EPHA4: variants seen among roughly 807,000 people sequenced by gnomAD.
The protein encoded by EPHA4 is EPH receptor A4.
EPHA4 carries 19 observed loss-of-function variants against 108.3 expected under a neutral mutation model. That is an observed-to-expected ratio of 0.18 (90% CI 0.12 to 0.26). The LOEUF is 0.26. Ranked by LOEUF, EPHA4 falls within the 10% of genes least tolerant of loss-of-function variation. EPHA4 has a pLI of 1.00. For synonymous variants in EPHA4, 449 were observed against 455.5 expected, an observed-to-expected ratio of 0.99 and a Z score of 0.18; for missense variants, 917 against 1,254.0, an observed-to-expected ratio of 0.73 and a Z score of 4.06.
At chr2:221,426,205 G>C in intron 16 of EPHA4, 63 bp from the exon 17 acceptor site, 1 of 1,426,212 alleles carries the variant, frequency 7.0e-7, no homozygotes, top group South Asian at 1.1e-5. Context: ...CTCTTTTCTT[G>C]GGCTTCATGC....
intron 7 of EPHA4, 136 bp from the exon 8 acceptor site, chr2:221,455,794 GT>G (rs1256051362): frequency 1.5e-6 from 1 of 656,070 alleles, no homozygotes; most frequent in Non-Finnish European, 2.7e-6. Context: ...AAGGGCAGCA[GT>G]TTTGAATGTA....
intron 3 of EPHA4, among the ~76,000 whole-genome samples, chr2:221,550,306 CAAAGA>C (rs775866597): frequency 2.0e-5 from 3 of 151,884 alleles, no homozygotes; most frequent in African/African-American, 7.3e-5. Flanking sequence ...TTCAAATTTG[CAAAGA>C]AAAGATAGTT....
chr2:221,447,308 C>T (rs1444137902), intron 8 of EPHA4, among the ~76,000 whole-genome samples: 5 of 152,130 alleles, frequency 3.3e-5, no homozygotes, highest in East Asian at 1.9e-4. Context: ...AAAAGAAACA[C>T]GGTCTGAGAT....
intron 9 of EPHA4, among the ~76,000 whole-genome samples, chr2:221,444,744 CTTTTTTTTTTTTT>C (rs71266317): frequency 1.7e-4 from 13 of 74,982 alleles, no homozygotes; most frequent in Non-Finnish European, 2.6e-4. Context: ...TTTTTTCTAT[CTTTTTTTTTTTTT>C]TTTTTTTTTT....
intron 3 of EPHA4, among the ~76,000 whole-genome samples, chr2:221,556,817 A>G (rs1694318978): frequency 6.6e-6 from 1 of 152,128 alleles, no homozygotes; most frequent in African/African-American, 2.4e-5. Flanking sequence ...TAATTGTTCT[A>G]TTTTATTATT....
chr2:221,441,188 T>C (rs922132988), intron 11 of EPHA4, among the ~76,000 whole-genome samples: 3 of 143,400 alleles, frequency 2.1e-5, no homozygotes, highest in Non-Finnish European at 4.5e-5. Flanking sequence ...TCATTTTTTC[T>C]TTTCTTTTCT....
intron 3 of EPHA4, among the ~76,000 whole-genome samples, chr2:221,504,309 A>G (rs1692567575): frequency 1.3e-5 from 2 of 151,944 alleles, no homozygotes; most frequent in Non-Finnish European, 2.9e-5. Flanking sequence ...CTTTGCTTTA[A>G]TTATCTCTTT....
At chr2:221,478,801 G>A (rs956211572) in intron 5 of EPHA4, among the ~76,000 whole-genome samples, 5 of 133,412 alleles carry the variant, frequency 3.7e-5, no homozygotes, top group Non-Finnish European at 8.3e-5. Context: ...AGGGCAGGCG[G>A]AGAGGCTGCA....
At chr2:221,499,746 ATATATATATATT>A (rs1312547189) in intron 4 of EPHA4, among the ~76,000 whole-genome samples, 22 of 48,414 alleles carry the variant, frequency 4.5e-4, no homozygotes, top group East Asian at 6.3e-4. Context: ...ATATATATAT[ATATATATATATT>A]TTTTTTTTTT....
intron 4 of EPHA4, among the ~76,000 whole-genome samples, chr2:221,499,777 G>A (rs1283634538): frequency 8.0e-5 from 3 of 37,292 alleles, no homozygotes; most frequent in African/African-American, 2.5e-4. Flanking sequence ...TTTTTTTTGA[G>A]ACAGAGTTTT....
intron 3 of EPHA4, among the ~76,000 whole-genome samples, chr2:221,537,169 G>A (rs1439177893): frequency 6.6e-6 from 1 of 152,102 alleles, no homozygotes; most frequent in Admixed American, 6.5e-5. Flanking sequence ...AACAAGCAAG[G>A]CCCAAAAAAC....
At chr2:221,553,927 C>G (rs1017521744) in intron 3 of EPHA4, among the ~76,000 whole-genome samples, 3 of 152,178 alleles carry the variant, frequency 2.0e-5, no homozygotes, top group African/African-American at 4.8e-5. Context: ...TGTACCACAG[C>G]TTTGTACTGG....
chr2:221,472,911 A>T (rs1163046441), intron 5 of EPHA4, among the ~76,000 whole-genome samples: 1 of 152,210 alleles, frequency 6.6e-6, no homozygotes, highest in Admixed American at 6.5e-5. Context: ...AATTTGTCAG[A>T]ATAGAGAAAG....
At chr2:221,468,267 A>G (rs1691374445) in intron 5 of EPHA4, among the ~76,000 whole-genome samples, 1 of 152,130 alleles carries the variant, frequency 6.6e-6, no homozygotes, top group South Asian at 2.1e-4. Flanking sequence ...TATTTTTTAA[A>G]CAAATAACCA....
chr2:221,448,594 G>A (rs1008879181), intron 8 of EPHA4, among the ~76,000 whole-genome samples: 3 of 152,118 alleles, frequency 2.0e-5, no homozygotes, highest in African/African-American at 7.2e-5. Context: ...AAGAGTGTTA[G>A]GTCAGGGACT....
chr2:221,483,075 T>C (rs981750038), intron 4 of EPHA4, among the ~76,000 whole-genome samples: 1 of 152,244 alleles, frequency 6.6e-6, no homozygotes, highest in South Asian at 2.1e-4. Flanking sequence ...GAGACTCTGA[T>C]AAATTAATAG....
At chr2:221,490,230 G>GA (rs1241297597) in intron 4 of EPHA4, among the ~76,000 whole-genome samples, 2 of 131,592 alleles carry the variant, frequency 1.5e-5, no homozygotes, top group Admixed American at 7.6e-5. Flanking sequence ...AATAAAGAGA[G>GA]AAAAAATGGC....
At position 221,457,876 on chromosome 2, in the gene EPHA4, T is replaced by C. The variant is rs766357479; in HGVS notation, c.1433A>G (p.Tyr478Cys). 1 of 1,613,644 alleles carries C rather than the reference T, an allele frequency of 6.2e-7. No homozygotes were observed. Among genetic ancestry groups the C allele is most frequent in the Non-Finnish European group, 8.5e-7 (1 of 1,179,664 alleles). The change falls in exon 6 of 18, where the codon TAT becomes TGT. Residue 478 changes from tyrosine to cysteine, a missense_variant. Coordinates refer to ENST00000281821, the MANE Select transcript of EPHA4 (RefSeq NM_004438.5). The stretch of plus-strand genomic sequence containing the variant: ...TCACTCAAGTAATACCTTCTCATAA[T>C]ACTTGACTTCATATTCCAGGATTAC... ...NGVILEYEVK[Y>C]YEKDQNERSY...
chr2:221,517,308 G>C (rs1323823859), intron 3 of EPHA4, among the ~76,000 whole-genome samples: 1 of 152,194 alleles, frequency 6.6e-6, no homozygotes, highest in African/African-American at 2.4e-5. Context: ...GATTACTGAT[G>C]CTAGGAAATG....
Sources: gnomAD v4.1 joint callset for allele counts (sites outside exome capture counted in the v4.1 genomes callset) on GRCh38, gnomAD v4.1.1 for gene constraint, MANE v1.5 for transcripts, NCBI Gene and HGNC (gene_info 2026-07-23, HGNC 2026-07-21) for gene names.